Variants in RAB7A observed in about 807,000 individuals in gnomAD.
RAB7A encodes the protein ras-related protein Rab-7a.
In RAB7A, 2 loss-of-function variants were observed where a neutral mutation model predicts 24.5. The observed-to-expected ratio is 0.08, with a 90% CI of 0.03 to 0.26. The LOEUF is 0.26. Ranked by LOEUF, RAB7A falls within the 10% of genes least tolerant of loss-of-function variation. The pLI is 1.00. For synonymous variants in RAB7A, 100 were observed against 95.9 expected, an observed-to-expected ratio of 1.04 and a Z score of -0.25; for missense variants, 118 against 255.7, an observed-to-expected ratio of 0.46 and a Z score of 3.67.
chr3:128,789,197 G>A (rs1199041154), intron 1 of RAB7A, among the ~76,000 whole-genome samples: 1 of 152,178 alleles, frequency 6.6e-6, no homozygotes, highest in African/African-American at 2.4e-5. Flanking sequence ...TTCCTTGAAG[G>A]ACCAGGTCTC....
At chr3:128,779,043 C>A (rs148678268) in intron 1 of RAB7A, among the ~76,000 whole-genome samples, 1 of 152,150 alleles carries the variant, frequency 6.6e-6, no homozygotes, top group African/African-American at 2.4e-5. Flanking sequence ...AGTGTTTGGG[C>A]AGAAACCAGG....
intron 1 of RAB7A, among the ~76,000 whole-genome samples, chr3:128,772,194 C>T (rs867745732): frequency 6.6e-6 from 1 of 152,154 alleles, no homozygotes; most frequent in Non-Finnish European, 1.5e-5. Flanking sequence ...CAAGACAGTT[C>T]ATTTACTTAT....
chr3:128,797,142 C>A (rs996094907), intron 2 of RAB7A, among the ~76,000 whole-genome samples: 8 of 152,192 alleles, frequency 5.3e-5, no homozygotes, highest in African/African-American at 1.9e-4. Context: ...TGTTCGATTC[C>A]AGGTTTTGCC....
intron 1 of RAB7A, among the ~76,000 whole-genome samples, chr3:128,792,914 G>T (rs2107609889): frequency 6.7e-6 from 1 of 149,004 alleles, no homozygotes; most frequent in East Asian, 2.0e-4. Flanking sequence ...GCAGTGGCGT[G>T]ATCTCGGCTC....
At chr3:128,797,804 C>A in intron 2 of RAB7A, 139 bp from the exon 3 acceptor site, 1 of 904,588 alleles carries the variant, frequency 1.1e-6, no homozygotes, top group Non-Finnish European at 1.8e-6. Context: ...GCTCGGAAGG[C>A]TACTGGCATT....
At chr3:128,743,196 G>A (rs1576271815) in intron 1 of RAB7A, among the ~76,000 whole-genome samples, 2 of 152,328 alleles carry the variant, frequency 1.3e-5, no homozygotes, top group East Asian at 3.9e-4. Flanking sequence ...CAGGCCGGTG[G>A]CGCCAGCCGG....
chr3:128,804,113 G>GGC (rs200892558), intron 3 of RAB7A, among the ~76,000 whole-genome samples: 51 of 148,020 alleles, frequency 3.4e-4, no homozygotes, highest in East Asian at 1.4e-3. Flanking sequence ...GACCTCCCTG[G>GGC]GCCCCCCCCC....
chr3:128,805,371 T>C (rs1443250501), intron 3 of RAB7A, among the ~76,000 whole-genome samples: 1 of 152,178 alleles, frequency 6.6e-6, no homozygotes, highest in African/African-American at 2.4e-5. Flanking sequence ...CCCTTCATCC[T>C]TATATCTGAG....
At chr3:128,733,249 G>C (rs538510992) in intron 1 of RAB7A, among the ~76,000 whole-genome samples, 3 of 152,216 alleles carry the variant, frequency 2.0e-5, no homozygotes, top group African/African-American at 7.2e-5. Context: ...CTGATTTCTA[G>C]AACTGTAGAC....
chr3:128,759,961 C>T (rs555566710), intron 1 of RAB7A, among the ~76,000 whole-genome samples: 174 of 152,270 alleles, frequency 1.1e-3, no homozygotes, highest in African/African-American at 4.0e-3. Flanking sequence ...CTGCCTGCCT[C>T]GGCCTCCCAA....
intron 1 of RAB7A, among the ~76,000 whole-genome samples, chr3:128,775,733 A>G (rs1027202137): frequency 6.6e-6 from 1 of 152,200 alleles, no homozygotes; most frequent in Non-Finnish European, 1.5e-5. Flanking sequence ...ATGCCTGTTA[A>G]GTAGAATTCT....
chr3:128,760,642 G>A (rs2070769810), intron 1 of RAB7A, among the ~76,000 whole-genome samples: 1 of 152,200 alleles, frequency 6.6e-6, no homozygotes, highest in African/African-American at 2.4e-5. Flanking sequence ...TTGTGTGGAA[G>A]CAAGGAAATT....
At chr3:128,734,454 CAAAAA>C (rs10524458) in intron 1 of RAB7A, among the ~76,000 whole-genome samples, 1 of 86,878 alleles carries the variant, frequency 1.2e-5, no homozygotes, top group Non-Finnish European at 2.8e-5. Context: ...GACCCTACCT[CAAAAA>C]AAAAAAAAAA....
Position 128,772,159 on chromosome 3 carries a change from T to A in RAB7A, c.-8-23201T>A, listed in dbSNP as rs111640567. 6.6e-3 allele frequency among the ~76,000 whole-genome samples: 1,011 copies of A among 152,332 alleles called. 12 individuals are homozygous for A. Among genetic ancestry groups the A allele is most frequent in the African/African-American group, 0.023 (937 of 41,572 alleles). On this transcript the variant is annotated intron_variant, in intron 1 of 5. Coordinates refer to ENST00000265062, the MANE Select transcript of RAB7A (RefSeq NM_004637.6). The stretch of plus-strand genomic sequence containing the variant: ...TCAGTAATGTCGAAATGAACACAAC[T>A]GGCTTTTCCACAGGGAAGGATTATC...
intron 1 of RAB7A, among the ~76,000 whole-genome samples, chr3:128,752,154 A>G (rs1402759506): frequency 1.3e-5 from 2 of 152,304 alleles, no homozygotes; most frequent in South Asian, 2.1e-4. Context: ...ACTAACTACA[A>G]ATCCTAAGAA....
At chr3:128,795,129 A>G (rs1933538579) in intron 1 of RAB7A, 4 of 578,492 alleles carry the variant, frequency 6.9e-6, no homozygotes, top group Non-Finnish European at 9.4e-6. Flanking sequence ...ATTCTCTCCA[A>G]CAGCTTGCAG....
intron 1 of RAB7A, among the ~76,000 whole-genome samples, chr3:128,776,250 T>C (rs1437776683): frequency 2.0e-5 from 3 of 152,204 alleles, no homozygotes; most frequent in Admixed American, 6.5e-5. Flanking sequence ...TAGTATTCCA[T>C]TGTGCATATA....
chr3:128,766,556 C>T (rs923527788), intron 1 of RAB7A, among the ~76,000 whole-genome samples: 1 of 152,054 alleles, frequency 6.6e-6, no homozygotes, highest in Non-Finnish European at 1.5e-5. Context: ...GAAGAGAAAA[C>T]AGCTCCTGAA....
chr3:128,811,869 A>G (rs1231005559), intron 5 of RAB7A, among the ~76,000 whole-genome samples: 1 of 152,072 alleles, frequency 6.6e-6, no homozygotes, highest in Non-Finnish European at 1.5e-5. Flanking sequence ...AAAGAAAGAA[A>G]TCACAGTCCA....
Sources: gnomAD v4.1 joint callset for allele counts (sites outside exome capture counted in the v4.1 genomes callset) on GRCh38, gnomAD v4.1.1 for gene constraint, MANE v1.5 for transcripts, NCBI Gene and HGNC (gene_info 2026-07-23, HGNC 2026-07-21) for gene names.